The following HAP1 variants were observed in gnomAD, a reference collection of about 807,000 sequenced individuals.
The protein encoded by HAP1 is huntingtin associated protein 1, also known as huntingtin-associated protein 1.
HAP1 carries 59 observed loss-of-function variants against 60.3 expected under a neutral mutation model. That is an observed-to-expected ratio of 0.98 (90% CI 0.79 to 1.22). The LOEUF (loss-of-function observed/expected upper bound fraction) is 1.22, where lower values mean the gene tolerates loss of function less well. HAP1 is among the 50% of genes most tolerant of loss of function. HAP1 has a pLI of 0.00. For missense variants in HAP1, 825 were observed against 785.3 expected, an observed-to-expected ratio of 1.05 and a Z score of -0.60; for synonymous variants, 346 against 330.6, an observed-to-expected ratio of 1.05 and a Z score of -0.50.
chr17:41,734,458 C>A lies in HAP1; in HGVS notation c.177G>T (p.Gln59His), dbSNP rs782793268. The A allele has an allele frequency of 6.2e-7, 1 of 1,610,062 alleles. No individual in the cohort carries two copies. Among genetic ancestry groups the A allele is most frequent in the East Asian group, 2.2e-5 (1 of 44,788 alleles). Residue 59 changes from glutamine to histidine, a missense_variant, in exon 1 of 11, where the codon CAG becomes CAT. Coordinates refer to ENST00000347901, the MANE Select transcript of HAP1 (RefSeq NM_177977.3). ...RVGSRATSGS[Q>H]FLSEARTGAR... ...CTCCGGTGCGGGCTTCCGAGAGGAA[C>A]TGGGATCCAGAGGTGGCTCGGGATC...
intron 6 of HAP1, among the ~76,000 whole-genome samples, chr17:41,729,019 C>T (rs1911908278): frequency 6.6e-6 from 1 of 152,070 alleles, no homozygotes; most frequent in Admixed American, 6.5e-5. Flanking sequence ...TCTTGGCTCA[C>T]TGTAACTGCC....
downstream of HAP1, chr17:41,718,290 G>A (rs1555586363): frequency 4.7e-6 from 1 of 211,058 alleles, no homozygotes; most frequent in African/African-American, 2.2e-5. Flanking sequence ...ACATTTGTAG[G>A]CAAGATAAAG....
chr17:41,727,353 T>C (rs377013092), intron 8 of HAP1: 10 of 780,832 alleles, frequency 1.3e-5, no homozygotes, highest in South Asian at 9.4e-5. Flanking sequence ...TGGGGGTTGC[T>C]GGCGGAGGGT....
chr17:41,734,573 G>GCTGGGTCC lies in HAP1; in HGVS notation c.54_61dup (p.Ala21GlyfsTer33). ...GGGCGAAGGTGCACAGGTGAGTGCT[G>GCTGGGTCC]CTGGGTCCCCGGGTCCGAGCCGGCT... On this transcript the variant is annotated frameshift_variant, in exon 1 of 11. Coordinates refer to ENST00000347901, the MANE Select transcript of HAP1 (RefSeq NM_177977.3). LOFTEE classifies it high-confidence loss of function. 2.5e-6 allele frequency: 4 copies of GCTGGGTCC among 1,596,872 alleles called. No homozygotes were observed. The highest frequency in any genetic ancestry group is 2.6e-6 in the Non-Finnish European group (3 of 1,172,604).
intron 6 of HAP1, among the ~76,000 whole-genome samples, chr17:41,730,784 C>T (rs552397941): frequency 3.9e-5 from 6 of 152,330 alleles, no homozygotes; most frequent in South Asian, 2.1e-4. Context: ...GTGCCTAGGA[C>T]GATGCCAGGC....
At chr17:41,732,207 T>C in intron 3 of HAP1, 23 bp downstream of exon 3, 1 of 1,612,316 alleles carries the variant, frequency 6.2e-7, no homozygotes, top group South Asian at 1.1e-5. Flanking sequence ...TGGCCCGCTA[T>C]CCTCTCCTCC....
intron 6 of HAP1, among the ~76,000 whole-genome samples, chr17:41,729,092 C>T (rs1295652994): frequency 6.6e-6 from 1 of 151,866 alleles, no homozygotes; most frequent in East Asian, 2.0e-4. Context: ...AGGCATGCGC[C>T]ACCACGCCCA....
At chr17:41,729,464 C>A (rs1187691634) in intron 6 of HAP1, among the ~76,000 whole-genome samples, 2 of 137,732 alleles carry the variant, frequency 1.5e-5, no homozygotes, top group Admixed American at 7.7e-5. Context: ...GCAGGAGAAT[C>A]GCTTAAACTC....
chr17:41,727,025 G>A (rs1309945386), intron 9 of HAP1, 28 bp downstream of exon 9: 1 of 1,192,200 alleles, frequency 8.4e-7, no homozygotes, highest in African/African-American at 1.5e-5. Context: ...CATGGCCTAT[G>A]GGGCAAGGGA....
chr17:41,726,663 G>A (rs377721478), intron 9 of HAP1, among the ~76,000 whole-genome samples: 15 of 151,996 alleles, frequency 9.9e-5, no homozygotes, highest in East Asian at 9.8e-4. Flanking sequence ...AGGAGCTTGA[G>A]ACCAGCCTGG....
At chr17:41,719,512 G>GCC (rs1555586625), downstream of HAP1, among the ~76,000 whole-genome samples, 2 of 152,054 alleles carry the variant, frequency 1.3e-5, no homozygotes, top group Admixed American at 1.3e-4. Flanking sequence ...GACCAATACG[G>GCC]TGAAACACTG....
chr17:41,729,549 CAAAAA>C (rs1162563636), intron 6 of HAP1, among the ~76,000 whole-genome samples: 17 of 63,104 alleles, frequency 2.7e-4, no homozygotes, highest in African/African-American at 4.8e-4. Context: ...GCCTCCTTCT[CAAAAA>C]AAAAAAAAAA....
At chr17:41,720,815 T>G (rs1911168942), downstream of HAP1, 1 of 151,628 alleles carries the variant, frequency 6.6e-6, no homozygotes, top group South Asian at 2.1e-4. Context: ...TTTTTTTTCC[T>G]TGAGACGGAG....
intron 7 of HAP1, 144 bp from the exon 8 acceptor site, chr17:41,727,980 G>A: frequency 1.4e-6 from 1 of 699,360 alleles, no homozygotes; most frequent in Non-Finnish European, 2.4e-6. Context: ...GGGCAAAGAA[G>A]GCAGGGGAGT....
chr17:41,719,519 A>G (rs6503655), downstream of HAP1, among the ~76,000 whole-genome samples: 2 of 151,824 alleles, frequency 1.3e-5, no homozygotes, highest in Non-Finnish European at 2.9e-5. Context: ...ACGGTGAAAC[A>G]CTGTCTCTAC....
intron 1 of HAP1, among the ~76,000 whole-genome samples, chr17:41,733,866 G>T (rs918732565): frequency 1.3e-5 from 2 of 151,796 alleles, no homozygotes; most frequent in Admixed American, 6.6e-5. Context: ...CTGGCACTGC[G>T]GTAGACCCAG....
chr17:41,723,355 G>A lies in HAP1; in HGVS notation c.*1346C>T, dbSNP rs1195686882. On this transcript the variant is annotated 3_prime_UTR_variant, in exon 11 of 11. Transcript: ENST00000347901. Reference sequence around the variant, plus strand: ...AACATGGAAGAGGAAGCCAGGGGCAGGGAGGGGTCCCCAAGCTCCAGCCCA... The same window carrying A: ...AACATGGAAGAGGAAGCCAGGGGCAAGGAGGGGTCCCCAAGCTCCAGCCCA... The A allele has an allele frequency of 6.5e-6, 1 of 152,822 alleles. No homozygotes were observed. The highest frequency in any genetic ancestry group is 1.5e-5 in the Non-Finnish European group (1 of 68,130). The allele number at this position is 152,822 out of a possible 1,614,324, so 9.5% of individuals were successfully genotyped here.
chr17:41,725,198 A>T (rs782267881), intron 10 of HAP1, 44 bp from the exon 11 acceptor site: 1 of 1,488,878 alleles, frequency 6.7e-7, no homozygotes, highest in Non-Finnish European at 9.1e-7. Flanking sequence ...TGGAAAGTCC[A>T]ACCCCCCAGG....
chr17:41,732,532 G>A, intron 2 of HAP1, 138 bp from the exon 3 acceptor site: 1 of 1,029,942 alleles, frequency 9.7e-7, no homozygotes, highest in Non-Finnish European at 1.4e-6. Context: ...CATGGAAAAA[G>A]AAGATCAGAC....
Sources: allele counts gnomAD v4.1 joint callset (sites outside exome capture counted in the v4.1 genomes callset), GRCh38; gene constraint gnomAD v4.1.1; transcripts MANE v1.5; gene names NCBI Gene and HGNC (gene_info 2026-07-23, HGNC 2026-07-21).